LAMB1: variants seen among roughly 807,000 people sequenced by gnomAD.
LAMB1 encodes laminin subunit beta-1.
In LAMB1, 121 loss-of-function variants were observed where a neutral mutation model predicts 222.3. That is an observed-to-expected ratio of 0.54 (90% CI 0.47 to 0.63). The LOEUF (loss-of-function observed/expected upper bound fraction) is 0.63. Among genes scored for constraint, LAMB1 ranks in the 30% least tolerant of loss-of-function variants. LAMB1 has a pLI of 0.00. For missense variants in LAMB1, 2,172 were observed against 2,240.8 expected (o/e 0.97, Z 0.62); for synonymous variants, 794 against 807.2 (o/e 0.98, Z 0.28).
In LAMB1 at chr7:107,958,839, G is replaced by A. The variant is rs550390181; in HGVS notation, c.2690+410C>T. On this transcript the variant is annotated intron_variant, in intron 20 of 33. Coordinates refer to ENST00000222399, the MANE Select transcript of LAMB1 (RefSeq NM_002291.3). ...CCTGGAAACTGTAGTTGCATAAAACGTTCTGAAAAACAAAGCTATTTAAAA... is the reference window on the plus strand; with the variant it reads ...CCTGGAAACTGTAGTTGCATAAAACATTCTGAAAAACAAAGCTATTTAAAA... Among the ~76,000 whole-genome samples the A allele has an allele frequency of 6.6e-5, 10 of 152,226 alleles. No homozygotes were observed. In the South Asian group the frequency reaches 8.3e-4, roughly 13 times the overall value.
intron 7 of LAMB1, among the ~76,000 whole-genome samples, chr7:107,983,437 G>C (rs893693447): frequency 2.6e-5 from 4 of 151,734 alleles, no homozygotes; most frequent in Admixed American, 2.0e-4. Context: ...AACCAAAGCT[G>C]ATAGTCACAG....
intron 4 of LAMB1, among the ~76,000 whole-genome samples, chr7:107,995,908 A>T (rs953364818): frequency 1.3e-5 from 2 of 152,156 alleles, no homozygotes; most frequent in Non-Finnish European, 2.9e-5. Context: ...GGACCTTTTG[A>T]AATAAACTCT....
rs1450619813 is a variant in LAMB1 at position 107,937,166 on chromosome 7, T to C, written c.3873A>G (p.Glu1291=). The C allele has an allele frequency of 5.0e-6, 8 of 1,614,058 alleles. No individual in the cohort carries two copies. The highest frequency in any genetic ancestry group is 5.9e-6 in the Non-Finnish European group (7 of 1,179,990). ...TAKELDSLQT[E]AESLDNTVKE... ...TCACAGTGTTGTCTAGGCTTTCGGC[T>C]TCTGTCTGTAGAGAATCCAGTTCTT... is the stretch of plus-strand genomic sequence containing the variant. Residue 1291 remains glutamate, a synonymous_variant, in exon 26 of 34, where the codon GAA becomes GAG. Transcript: ENST00000222399.
At position 107,923,823 on chromosome 7, in the gene LAMB1, T is replaced by TTTAACTCC; in HGVS notation, c.*120_*127dup. The TTTAACTCC allele has an allele frequency of 1.1e-6, 1 of 878,022 alleles. No individual in the cohort carries two copies. Among genetic ancestry groups the TTTAACTCC allele is most frequent in the East Asian group, 2.8e-5 (1 of 36,272 alleles). The allele number at this position is 878,022 out of a possible 1,614,324, so 54.4% of individuals were successfully genotyped here. A position where few individuals can be genotyped will look rare whatever the true frequency, so the allele number is the denominator to read the frequency against. ...ATATATACAAAAGCACTGTACTTTA[T>TTTAACTCC]TTAACTCCATACAAAATGTGATTAA... On this transcript the variant is annotated 3_prime_UTR_variant, in exon 34 of 34. Transcript: ENST00000222399.
intron 20 of LAMB1, 104 bp downstream of exon 20, chr7:107,959,145 T>C (rs1158347140): frequency 2.3e-6 from 2 of 863,776 alleles, no homozygotes; most frequent in Non-Finnish European, 1.9e-6. Flanking sequence ...CAGAAATGAA[T>C]GAGCGAGCTG....
At chr7:107,959,181 G>A in intron 20 of LAMB1, 68 bp downstream of exon 20, 1 of 1,215,572 alleles carries the variant, frequency 8.2e-7, no homozygotes, top group Non-Finnish European at 1.2e-6. Context: ...GAATTCTGTG[G>A]TTGGTCTAAG....
intron 8 of LAMB1, among the ~76,000 whole-genome samples, chr7:107,979,965 T>TG (rs2033941193): frequency 1.3e-5 from 2 of 152,186 alleles, no homozygotes; most frequent in African/African-American, 4.8e-5. Flanking sequence ...CCCAGCTACT[T>TG]GGGAGGCTGA....
chr7:107,939,311 C>A (rs1052650531), intron 25 of LAMB1, among the ~76,000 whole-genome samples: 17 of 151,976 alleles, frequency 1.1e-4, no homozygotes, highest in Non-Finnish European at 2.5e-4. Context: ...CTTCCACTAA[C>A]AAACACTGTC....
intron 22 of LAMB1, among the ~76,000 whole-genome samples, chr7:107,953,223 G>C (rs752221864): frequency 6.6e-6 from 1 of 152,070 alleles, no homozygotes; most frequent in Non-Finnish European, 1.5e-5. Flanking sequence ...TGGGCATGGT[G>C]GGGGGTGCCT....
chr7:107,977,796 G>A (rs1336068551), intron 9 of LAMB1, among the ~76,000 whole-genome samples: 1 of 152,066 alleles, frequency 6.6e-6, no homozygotes. Context: ...ACAATGTCAA[G>A]GACAGCACCT....
intron 4 of LAMB1, among the ~76,000 whole-genome samples, chr7:107,996,646 A>C (rs1442768020): frequency 6.6e-6 from 1 of 152,236 alleles, no homozygotes; most frequent in Non-Finnish European, 1.5e-5. Flanking sequence ...AGAGAACTCA[A>C]GCCCCTCTAC....
intron 25 of LAMB1, among the ~76,000 whole-genome samples, chr7:107,938,096 C>T (rs2701029): frequency 0.014 from 2,078 of 152,076 alleles, 43 homozygotes; most frequent in African/African-American, 0.046. Context: ...CAGATTTTAC[C>T]TCTGGGTATT....
chr7:107,933,814 A>G (rs2032769863), intron 27 of LAMB1, among the ~76,000 whole-genome samples: 1 of 152,202 alleles, frequency 6.6e-6, no homozygotes, highest in African/African-American at 2.4e-5. Context: ...ACCAGGTGGA[A>G]AAGCAAGCAC....
intron 5 of LAMB1, 89 bp from the exon 6 acceptor site, chr7:107,986,452 A>C: frequency 9.1e-7 from 1 of 1,097,650 alleles, no homozygotes. Context: ...ACTCAACTGC[A>C]TGCCACAAAC....
intron 13 of LAMB1, among the ~76,000 whole-genome samples, chr7:107,967,870 T>C (rs1487605689): frequency 6.6e-6 from 1 of 152,080 alleles, no homozygotes; most frequent in African/African-American, 2.4e-5. Flanking sequence ...TATGCATTGA[T>C]AGAGTTACAA....
chr7:107,965,603 T>C lies in LAMB1; in HGVS notation c.1563-916A>G, dbSNP rs370967839. ...TCTCAGCTTATGTCCCTTTTATTAG[T>C]ATCATAATTTTGTATACAATACAAA... On this transcript the variant is annotated intron_variant, in intron 13 of 33. Coordinates refer to ENST00000222399, the MANE Select transcript of LAMB1 (RefSeq NM_002291.3). Among the ~76,000 whole-genome samples the C allele has an allele frequency of 2.6e-4, 40 of 152,114 alleles. No homozygotes were observed. In the East Asian group the frequency reaches 4.5e-3, roughly 17 times the overall value.
intron 9 of LAMB1, among the ~76,000 whole-genome samples, chr7:107,977,125 T>C (rs114031086): frequency 0.015 from 2,173 of 149,326 alleles, 54 homozygotes; most frequent in African/African-American, 0.051. Context: ...CTCCCTCCCT[T>C]CCTTCTCCAT....
At chr7:107,950,963 C>T (rs2033232571) in intron 24 of LAMB1, 5 of 254,492 alleles carry the variant, frequency 2.0e-5, no homozygotes, top group Non-Finnish European at 3.8e-5. Flanking sequence ...TGTGTGTGTG[C>T]TTACACACAG....
intron 27 of LAMB1, among the ~76,000 whole-genome samples, chr7:107,934,440 T>A (rs1213136286): frequency 6.6e-6 from 1 of 152,180 alleles, no homozygotes; most frequent in Non-Finnish European, 1.5e-5. Flanking sequence ...CACATAGGTA[T>A]CCTTCCTTGA....
Sources: gnomAD v4.1 joint callset for allele counts (sites outside exome capture counted in the v4.1 genomes callset) on GRCh38, gnomAD v4.1.1 for gene constraint, MANE v1.5 for transcripts, NCBI Gene and HGNC (gene_info 2026-07-23, HGNC 2026-07-21) for gene names.